Variants in ATP1B4 observed in about 807,000 individuals in gnomAD.
The protein encoded by ATP1B4 is protein ATP1B4.
In ATP1B4, 32 loss-of-function variants were observed where a neutral mutation model predicts 29.6. The ratio of observed to expected loss-of-function variants is 1.08; its 90% confidence interval spans 0.82 to 1.45. ATP1B4 has a LOEUF of 1.45. ATP1B4 is among the 40% of genes most tolerant of loss of function. ATP1B4 has a pLI of 0.00. For synonymous variants in ATP1B4, 127 were observed against 102.1 expected (o/e 1.24, Z -1.47); for missense variants, 323 against 276.2 (o/e 1.17, Z -1.20).
intron 6 of ATP1B4, among the ~76,000 whole-genome samples, chrX:120,376,961 G>A (rs762272208): frequency 1.3e-4 from 14 of 111,993 alleles, no homozygotes; most frequent in East Asian, 5.6e-4. Flanking sequence ...ACTGTCCTTC[G>A]AGGGACCATT....
intron 2 of ATP1B4, among the ~76,000 whole-genome samples, chrX:120,370,054 G>A (rs1196615471): frequency 8.9e-6 from 1 of 111,869 alleles, no homozygotes; most frequent in Non-Finnish European, 1.9e-5. Context: ...AGGAAGTTCT[G>A]TAACTTGCCA....
intron 1 of ATP1B4, 116 bp downstream of exon 1, chrX:120,362,347 C>A: frequency 1.4e-6 from 1 of 721,005 alleles, no homozygotes. Context: ...CGGGCAGAAA[C>A]AGCGAAGTTT....
At position 120,373,299 on chromosome X, in the gene ATP1B4, T is replaced by A. The variant is rs1273458499; in HGVS notation, c.563-2073T>A. The stretch of plus-strand genomic sequence containing the variant: ...GAGCATAGTTCTTGCTCTAAAAAAA[T>A]TAAAACAAAGCCTTGAATTAAATGT... On this transcript the variant is annotated intron_variant, in intron 4 of 7. Transcript: ENST00000218008. Among the ~76,000 whole-genome samples the A allele has an allele frequency of 5.3e-5, 6 of 112,353 alleles. No individual in the cohort carries two copies. In the East Asian group the frequency reaches 1.4e-3, roughly 26 times the overall value.
At chrX:120,375,265 A>G (rs1008259826) in intron 4 of ATP1B4, 107 bp from the exon 5 acceptor site, 13 of 713,768 alleles carry the variant, frequency 1.8e-5, no homozygotes, top group Non-Finnish European at 2.7e-5. Flanking sequence ...TCAGAGGAGT[A>G]CAAACAAGCT....
chrX:120,362,299 C>A (rs1283066420), intron 1 of ATP1B4, 68 bp downstream of exon 1: 3 of 997,293 alleles, frequency 3.0e-6, no homozygotes, highest in East Asian at 3.1e-5. Context: ...GGGTTGGGGG[C>A]TGTGTAGACC....
intron 6 of ATP1B4, 29 bp downstream of exon 6, chrX:120,376,465 T>C (rs2058356437): frequency 1.7e-6 from 2 of 1,163,805 alleles, no homozygotes; most frequent in Admixed American, 2.2e-5. Context: ...TAAGCATTGT[T>C]AGCACATCTG....
Position 120,381,413 on chromosome X carries a change from G to A in ATP1B4, c.*1779G>A, listed in dbSNP as rs1014256313. On this transcript the variant is annotated 3_prime_UTR_variant, in exon 8 of 8. Transcript: ENST00000218008. ...AAAGCATTTTAATCAGGGAGGCTCT[G>A]TGATCACATTTGTGTTTTATTTTAT... is the stretch of plus-strand genomic sequence containing the variant. 1.8e-5 allele frequency: 2 copies of A among 112,201 alleles called. No homozygotes were observed. The highest frequency in any genetic ancestry group is 6.5e-5 in the African/African-American group (2 of 30,884). The allele number at this position is 112,201 out of a possible 1,213,427, so 9.2% of individuals were successfully genotyped here. A position where few individuals can be genotyped will look rare whatever the true frequency, so the allele number is the denominator to read the frequency against.
chrX:120,362,928 C>A (rs938480680), intron 1 of ATP1B4, among the ~76,000 whole-genome samples: 3 of 112,780 alleles, frequency 2.7e-5, no homozygotes, highest in Non-Finnish European at 5.6e-5. Context: ...CCATTGCCAT[C>A]CTGACTGCCA....
chrX:120,376,851 T>A (rs954233714), intron 6 of ATP1B4, among the ~76,000 whole-genome samples: 3 of 112,674 alleles, frequency 2.7e-5, no homozygotes, highest in Non-Finnish European at 5.6e-5. Flanking sequence ...ATTTTAAAAC[T>A]GAATTTCACA....
rs760010018 is a variant in ATP1B4 at position 120,378,901 on chromosome X, G to GGA, written c.912+130_912+131dup. On this transcript the variant is annotated intron_variant, in intron 7 of 7. Coordinates refer to ENST00000218008, the MANE Select transcript of ATP1B4 (RefSeq NM_001142447.3). Reference sequence around the variant, plus strand: ...GGTAAATAGCTGCTGGCCATAACCAGGAGCTCCCTTTACCAATTCTTATCA... The same window carrying GGA: ...GGTAAATAGCTGCTGGCCATAACCAGGAGAGCTCCCTTTACCAATTCTTATCA... 1.5e-4 allele frequency: 80 copies of GGA among 532,541 alleles called. 1 individual carries two copies. In the African/African-American group the frequency reaches 1.7e-3, roughly 11 times the overall value. The allele number at this position is 532,541 out of a possible 1,213,427, so 43.9% of individuals were successfully genotyped here. A position where few individuals can be genotyped will look rare whatever the true frequency, so the allele number is the denominator to read the frequency against.
At chrX:120,363,899 A>G (rs1208230416) in intron 1 of ATP1B4, among the ~76,000 whole-genome samples, 1 of 112,444 alleles carries the variant, frequency 8.9e-6, no homozygotes, top group Non-Finnish European at 1.9e-5. Flanking sequence ...GATACATTTT[A>G]CACAGGATTT....
chrX:120,362,228 A>G lies in ATP1B4; in HGVS notation c.60A>G (p.Arg20=). 1 of 1,208,942 alleles carries G rather than the reference A, an allele frequency of 8.3e-7. No individual in the cohort carries two copies. Among genetic ancestry groups the G allele is most frequent in the Non-Finnish European group, 1.1e-6 (1 of 893,494 alleles). The change falls in exon 1 of 8, where the codon AGA becomes AGG. Residue 20 remains arginine, a synonymous_variant. Transcript: ENST00000218008. ...APSFPYSYRY[R]LDDPDEANQN... is the part of the protein sequence containing the mutation. ...CCTTTCCTTACAGTTATCGCTACAG[A>G]CTCGTGAGTGCCAGAGAGCAGAATA...
intron 2 of ATP1B4, among the ~76,000 whole-genome samples, chrX:120,369,099 A>G (rs1254612426): frequency 8.9e-6 from 1 of 112,345 alleles, no homozygotes; most frequent in Non-Finnish European, 1.9e-5. Flanking sequence ...GAATGTACCT[A>G]TGTTCCATTG....
chrX:120,379,357 G>A, intron 7 of ATP1B4, 116 bp from the exon 8 acceptor site: 1 of 680,865 alleles, frequency 1.5e-6, no homozygotes, highest in Non-Finnish European at 2.2e-6. Context: ...TTGCAAATTG[G>A]CATCATGGGA....
intron 5 of ATP1B4, among the ~76,000 whole-genome samples, 191 bp downstream of exon 5, chrX:120,375,759 G>A (rs371943514): frequency 1.8e-5 from 2 of 108,618 alleles, no homozygotes; most frequent in Non-Finnish European, 3.8e-5. Flanking sequence ...ACTTCCTATG[G>A]CCATTCTTCT....
intron 2 of ATP1B4, 24 bp from the exon 3 acceptor site, chrX:120,370,691 C>G: frequency 8.3e-7 from 1 of 1,207,922 alleles, no homozygotes; most frequent in Non-Finnish European, 1.1e-6. Flanking sequence ...GCACTGACCA[C>G]TCTCATCTGT....
chrX:120,369,873 G>A (rs1404402876), intron 2 of ATP1B4, among the ~76,000 whole-genome samples: 1 of 112,299 alleles, frequency 8.9e-6, no homozygotes, highest in Non-Finnish European at 1.9e-5. Context: ...CGAGGAAATT[G>A]AGGCCCAGAG....
At chrX:120,362,949 C>A (rs2058269528) in intron 1 of ATP1B4, among the ~76,000 whole-genome samples, 1 of 112,801 alleles carries the variant, frequency 8.9e-6, no homozygotes, top group African/African-American at 3.2e-5. Flanking sequence ...CCCCACACTG[C>A]CCAACATGTA....
chrX:120,379,168 C>G (rs10429787), intron 7 of ATP1B4, among the ~76,000 whole-genome samples: 2 of 110,955 alleles, frequency 1.8e-5, no homozygotes. Context: ...CACAGGGACT[C>G]GATAGACACT....
Sources: gnomAD v4.1 joint callset for allele counts (sites outside exome capture counted in the v4.1 genomes callset) on GRCh38, gnomAD v4.1.1 for gene constraint, MANE v1.5 for transcripts, NCBI Gene and HGNC (gene_info 2026-07-23, HGNC 2026-07-21) for gene names.